LEPR: variants seen among roughly 807,000 people sequenced by gnomAD.
LEPR encodes the protein leptin receptor.
A neutral mutation model predicts 114.7 loss-of-function variants in LEPR; 56 were observed. The ratio of observed to expected loss-of-function variants is 0.49; its 90% CI spans 0.39 to 0.61. The LOEUF is 0.61. LEPR is among the 20% of genes least tolerant of loss of function. The pLI, the probability that LEPR is intolerant of heterozygous loss-of-function variation, is 0.00. For synonymous variants in LEPR, 443 were observed against 461.4 expected (o/e 0.96, Z 0.51); for missense variants, 1,202 against 1,352.9 (o/e 0.89, Z 1.75).
chr1:65,433,962 T>C (rs1456112530), intron 2 of LEPR: 2 of 985,090 alleles, frequency 2.0e-6, no homozygotes, highest in African/African-American at 3.5e-5. Context: ...GAATGTCTAG[T>C]TGGTGTGCAA....
At chr1:65,550,633 T>G (rs1652244644) in intron 2 of LEPR, among the ~76,000 whole-genome samples, 1 of 152,178 alleles carries the variant, frequency 6.6e-6, no homozygotes, top group African/African-American at 2.4e-5. Flanking sequence ...GTGCGGGCTA[T>G]AATTCTCCTG....
Position 65,570,543 on chromosome 1 carries a change from C to G in LEPR, c.111C>G (p.Cys37Trp). The G allele has an allele frequency of 6.2e-7, 1 of 1,613,992 alleles. No homozygotes were observed. The highest frequency in any genetic ancestry group is 8.5e-7 in the Non-Finnish European group (1 of 1,179,954). ...CTCCTTGGAGATTTAAGTTGTCTTG[C>G]ATGCCACCAAATTCAACCTATGACT... ...PITPWRFKLS[C>W]MPPNSTYDYF... is the part of the protein sequence containing the mutation. The change falls in exon 4 of 20, where the codon TGC (cysteine) becomes TGG (tryptophan). Residue 37 changes from cysteine (C) to tryptophan (W), a missense_variant. Transcript: ENST00000349533.
intron 5 of LEPR, among the ~76,000 whole-genome samples, chr1:65,585,044 A>G (rs960295941): frequency 1.4e-4 from 21 of 151,964 alleles, no homozygotes; most frequent in Admixed American, 2.6e-4. Context: ...TTAGCTCTGG[A>G]CCTTCTGAAT....
At chr1:65,594,959 A>G (rs1453552878) in intron 6 of LEPR, among the ~76,000 whole-genome samples, 1 of 152,104 alleles carries the variant, frequency 6.6e-6, no homozygotes, top group Admixed American at 6.6e-5. Flanking sequence ...GCATATTAAT[A>G]TTGTCAACCT....
intron 2 of LEPR, among the ~76,000 whole-genome samples, chr1:65,533,795 A>C (rs1354421304): frequency 2.0e-5 from 3 of 152,118 alleles, no homozygotes; most frequent in Non-Finnish European, 2.9e-5. Context: ...AACTTTAGTC[A>C]ATTTGGAGTA....
At chr1:65,515,393 T>C (rs1649236910) in intron 2 of LEPR, among the ~76,000 whole-genome samples, 1 of 152,236 alleles carries the variant, frequency 6.6e-6, no homozygotes, top group Non-Finnish European at 1.5e-5. Flanking sequence ...GAATATCTCA[T>C]GGAAACTTAA....
intron 5 of LEPR, among the ~76,000 whole-genome samples, chr1:65,590,600 C>T (rs1024744366): frequency 9.0e-6 from 1 of 111,006 alleles, no homozygotes; most frequent in African/African-American, 3.5e-5. Context: ...TTTGCATGTC[C>T]TTCCACCATG....
At chr1:65,578,318 T>G (rs1007000045) in intron 5 of LEPR, 20 of 230,278 alleles carry the variant, frequency 8.7e-5, no homozygotes, top group Non-Finnish European at 1.5e-4. Context: ...AAACCAAAAC[T>G]GCACAGGTCA....
intron 2 of LEPR, among the ~76,000 whole-genome samples, chr1:65,545,336 G>A (rs556199033): frequency 4.6e-5 from 7 of 151,958 alleles, no homozygotes; most frequent in East Asian, 1.9e-4. Flanking sequence ...ATGGGATGGC[G>A]GGGTCAAATG....
chr1:65,620,599 G>A (rs942851242), intron 17 of LEPR, among the ~76,000 whole-genome samples: 1 of 152,114 alleles, frequency 6.6e-6, no homozygotes, highest in Non-Finnish European at 1.5e-5. Context: ...TGGCACTTTA[G>A]TTGATAGCCA....
intron 2 of LEPR, among the ~76,000 whole-genome samples, chr1:65,513,137 T>C (rs181775008): frequency 1.3e-5 from 2 of 152,230 alleles, no homozygotes; most frequent in South Asian, 2.1e-4. Flanking sequence ...AATTACAGAG[T>C]TAGGAATGTG....
intron 19 of LEPR, chr1:65,635,333 T>C (rs979529227): frequency 1.0e-6 from 1 of 983,862 alleles, no homozygotes; most frequent in African/African-American, 1.7e-5. Flanking sequence ...TTACATTGTA[T>C]GAATTGAGCT....
At chr1:65,450,724 C>T (rs576573218) in intron 2 of LEPR, among the ~76,000 whole-genome samples, 8 of 144,948 alleles carry the variant, frequency 5.5e-5, no homozygotes, top group Non-Finnish European at 9.1e-5. Flanking sequence ...GTGAATAATG[C>T]CGCAATAAAC....
In LEPR at chr1:65,616,220, C is replaced by G. The variant is rs1290471179; in HGVS notation, c.2208C>G (p.Ser736Arg). 17 of 1,613,608 alleles carry G rather than the reference C, an allele frequency of 1.1e-5. No homozygotes were observed. Among genetic ancestry groups the G allele is most frequent in the Admixed American group, 1.7e-5 (1 of 59,954 alleles). The change falls in exon 15 of 20, where the codon AGC becomes AGG. Residue 736 changes from serine (S) to arginine (R), a missense_variant. Ser to Arg is a moderately radical substitution (Grantham distance 110). Coordinates refer to ENST00000349533, the MANE Select transcript of LEPR (RefSeq NM_002303.6). ...NFNLTFSWPM[S>R]KVNIVQSLSA... Reference sequence around the variant, plus strand: ...ATTTAACCTTTTCATGGCCTATGAGCAAAGGTAAGAAGAGGTACAGAGTGG... The same window carrying G: ...ATTTAACCTTTTCATGGCCTATGAGGAAAGGTAAGAAGAGGTACAGAGTGG...
At chr1:65,590,044 G>A (rs1655581442) in intron 5 of LEPR, among the ~76,000 whole-genome samples, 1 of 151,780 alleles carries the variant, frequency 6.6e-6, no homozygotes, top group Non-Finnish European at 1.5e-5. Flanking sequence ...TGAGTCTTCT[G>A]ACCCATAAGC....
intron 6 of LEPR, among the ~76,000 whole-genome samples, chr1:65,596,187 A>G (rs1338679870): frequency 2.6e-5 from 4 of 152,146 alleles, no homozygotes; most frequent in Non-Finnish European, 4.4e-5. Context: ...CACATTTAGC[A>G]AAATAATCTC....
intron 5 of LEPR, among the ~76,000 whole-genome samples, chr1:65,580,928 G>A (rs1654939357): frequency 1.3e-5 from 2 of 152,034 alleles, no homozygotes; most frequent in South Asian, 2.1e-4. Context: ...GGGAAGCTGG[G>A]GAATGAAGAG....
chr1:65,626,260 T>C, intron 19 of LEPR: 1 of 1,359,434 alleles, frequency 7.4e-7, no homozygotes, highest in Non-Finnish European at 9.5e-7. Flanking sequence ...TGACAGACCT[T>C]ATATACAAGT....
At chr1:65,564,117 C>G (rs1340890899) in intron 2 of LEPR, among the ~76,000 whole-genome samples, 5 of 145,868 alleles carry the variant, frequency 3.4e-5, no homozygotes, top group Non-Finnish European at 6.1e-5. Context: ...TTTACCTGAT[C>G]AAGCCTGGGC....
Sources: gnomAD v4.1 joint callset for allele counts (sites outside exome capture counted in the v4.1 genomes callset) on GRCh38, gnomAD v4.1.1 for gene constraint, MANE v1.5 for transcripts, NCBI Gene and HGNC (gene_info 2026-07-23, HGNC 2026-07-21) for gene names.